The following CEP170B variants were observed in gnomAD, a reference collection of about 807,000 sequenced individuals.
CEP170B encodes centrosomal protein 170B, also known as centrosomal protein of 170 kDa protein B.
In CEP170B, 55 loss-of-function variants were observed where a neutral mutation model predicts 120.6. That is an observed-to-expected ratio of 0.46 (90% CI 0.37 to 0.57). The LOEUF (loss-of-function observed/expected upper bound fraction) is 0.57. CEP170B is among the 20% of genes least tolerant of loss of function. The pLI is 0.00. For missense variants in CEP170B, 2,212 were observed against 2,253.3 expected (o/e 0.98, Z 0.37); for synonymous variants, 1,033 against 954.5 (o/e 1.08, Z -1.52).
rs1387044430 is a variant in CEP170B, at chr14:104,865,312, C to T, written c.-229C>T. 2 of 145,674 alleles carry T rather than the reference C, an allele frequency of 1.4e-5. No individual in the cohort carries two copies. Among genetic ancestry groups the T allele is most frequent in the Non-Finnish European group, 3.0e-5 (2 of 65,792 alleles). The allele number at this position is 145,674 out of a possible 1,614,324, so 9.0% of individuals were successfully genotyped here. ...GCGAGGCCGCCGGCGGCCGCTCTGC[C>T]GTGGGCTCGGCCCGGGCTGCCACGA... On this transcript the variant is annotated 5_prime_UTR_variant, in exon 1 of 19. Coordinates refer to ENST00000414716, the MANE Select transcript of CEP170B (RefSeq NM_001112726.3). The surrounding 1 kb of genome is among the most constrained non-coding windows in gnomAD (Gnocchi z 6.7).
At position 104,889,886 on chromosome 14, in the gene CEP170B, C is replaced by T. The variant is rs936484340; in HGVS notation, c.3878+128C>T. 4 of 914,602 alleles carry T rather than the reference C, an allele frequency of 4.4e-6. No homozygotes were observed. In the Admixed American group the frequency reaches 8.3e-5, roughly 19 times the overall value. The allele number at this position is 914,602 out of a possible 1,614,324, so 56.7% of individuals were successfully genotyped here. A position where few individuals can be genotyped will look rare whatever the true frequency, so the allele number is the denominator to read the frequency against. On this transcript the variant is annotated intron_variant, in intron 13 of 18. Transcript: ENST00000414716. ...GATAGATGGTACGGCAGATGGCTGG[C>T]TGGCTGGATGGATGGACAAATGGAT... is the stretch of plus-strand genomic sequence containing the variant.
intron 5 of CEP170B, among the ~76,000 whole-genome samples, chr14:104,879,342 C>G (rs573571646): frequency 6.6e-6 from 1 of 152,172 alleles, no homozygotes; most frequent in African/African-American, 2.4e-5. Flanking sequence ...GTCTCATGCC[C>G]AGGGGATTAA....
intron 14 of CEP170B, 98 bp from the exon 15 acceptor site, chr14:104,893,425 G>A (rs1595362159): frequency 7.1e-7 from 1 of 1,406,690 alleles, no homozygotes; most frequent in East Asian, 2.5e-5. Flanking sequence ...GAAGGTGGGT[G>A]TGCTCTGTCC....
Position 104,893,585 on chromosome 14 carries a change from C to T in CEP170B, c.4101C>T (p.Asn1367=). 6.2e-7 allele frequency: 1 copy of T among 1,603,944 alleles called. No individual in the cohort carries two copies. Among genetic ancestry groups the T allele is most frequent in the Non-Finnish European group, 8.5e-7 (1 of 1,176,494 alleles). ...AGAAGGTGCCGCCCGGCTCGCTGAA[C>T]TCTCGGGACTTTGACCAGAACATGA... ...NFQKVPPGSL[N]SRDFDQNMND... is the part of the protein sequence containing the mutation. Residue 1367 remains asparagine (N), a synonymous_variant, in exon 15 of 19, where the codon AAC becomes AAT. Transcript: ENST00000414716.
At chr14:104,890,210 G>GTGGATGGA (rs200561892) in intron 13 of CEP170B, among the ~76,000 whole-genome samples, 1 of 89,822 alleles carries the variant, frequency 1.1e-5, no homozygotes, top group African/African-American at 4.6e-5. Context: ...GGGTGGGTGG[G>GTGGATGGA]TGGATGGATG....
At chr14:104,886,169 C>CG in intron 11 of CEP170B, 39 bp downstream of exon 11, 1 of 1,493,328 alleles carries the variant, frequency 6.7e-7, no homozygotes, top group Non-Finnish European at 8.9e-7. Flanking sequence ...CGGGCCAGGC[C>CG]GGGGCGGGCC....
intron 2 of CEP170B, among the ~76,000 whole-genome samples, chr14:104,873,121 A>G (rs1364775176): frequency 6.6e-6 from 1 of 151,912 alleles, no homozygotes; most frequent in Non-Finnish European, 1.5e-5. Flanking sequence ...ATGTGTCTCC[A>G]GCGCTTCCTG....
chr14:104,864,799 T>C (rs978785681), upstream of CEP170B, among the ~76,000 whole-genome samples: 2 of 152,186 alleles, frequency 1.3e-5, no homozygotes, highest in African/African-American at 4.8e-5. The surrounding 1 kb of genome is among the most constrained non-coding windows in gnomAD (Gnocchi z 5.9). Context: ...TCCGCTCCTC[T>C]TTTTGGCTTC....
intron 13 of CEP170B, 101 bp from the exon 14 acceptor site, chr14:104,892,875 C>T (rs1896910988): frequency 2.2e-6 from 3 of 1,341,572 alleles, no homozygotes; most frequent in Admixed American, 2.1e-5. Flanking sequence ...CACCTCTGGC[C>T]AGCAGCTGCC....
chr14:104,887,241 T>A lies in CEP170B; in HGVS notation c.3002T>A (p.Val1001Asp). ...CAGGACCCGGGAGGCACCGCCCTGGTCAGTGCCCGTGAGCAGTCCTCAGAG... is the reference window on the plus strand; with the variant it reads ...CAGGACCCGGGAGGCACCGCCCTGGACAGTGCCCGTGAGCAGTCCTCAGAG... Reference protein sequence around the residue: ...AAQDPGGTALVSAREQSSERQ... With the variant: ...AAQDPGGTALDSAREQSSERQ... Residue 1001 changes from valine to aspartate, a missense_variant, in exon 12 of 19, where the codon GTC becomes GAC. Val to Asp is a radical substitution (Grantham distance 152, BLOSUM62 -3). Around this residue, in one of 2 missense-constraint regions of CEP170B, gnomAD observed 2,166 missense variants for 2,166.7 expected, o/e 1.00. Coordinates refer to ENST00000414716, the MANE Select transcript of CEP170B (RefSeq NM_001112726.3). 6.2e-7 allele frequency: 1 copy of A among 1,606,650 alleles called. No individual in the cohort carries two copies. Among genetic ancestry groups the A allele is most frequent in the African/African-American group, 1.3e-5 (1 of 75,032 alleles).
Position 104,868,413 on chromosome 14 carries a change from C to T in CEP170B, c.-27-11C>T. On this transcript the variant is annotated splice_polypyrimidine_tract_variant and intron_variant, in intron 1 of 18. Transcript: ENST00000414716. The surrounding 1 kb of genome is among the most constrained non-coding windows in gnomAD (Gnocchi z 5.9). ...CAGGGAGCCCCACTCTAACAATCCC[C>T]TCTTCCCCAGGGCCAGACGGGCCCA... 1 of 1,536,106 alleles carries T rather than the reference C, an allele frequency of 6.5e-7. No homozygotes were observed. Among genetic ancestry groups the T allele is most frequent in the South Asian group, 1.2e-5 (1 of 83,640 alleles).
chr14:104,895,338 T>G lies in CEP170B; in HGVS notation c.*380T>G. On this transcript the variant is annotated 3_prime_UTR_variant, in exon 19 of 19. Transcript: ENST00000414716. ...TGCAGGTGCCCCCTCCAGGCCTGAC[T>G]GGCTCCGCCAGGCACTAACCTGCCA... The G allele has an allele frequency of 5.2e-6, 1 of 190,860 alleles. No individual in the cohort carries two copies. Among genetic ancestry groups the G allele is most frequent in the Non-Finnish European group, 1.1e-5 (1 of 93,834 alleles). The allele number at this position is 190,860 out of a possible 1,614,324, so 11.8% of individuals were successfully genotyped here. A position where few individuals can be genotyped will look rare whatever the true frequency, so the allele number is the denominator to read the frequency against.
In CEP170B at chr14:104,870,166, G is replaced by A. The variant is rs562558331; in HGVS notation, c.105+1611G>A. Among the ~76,000 whole-genome samples the A allele has an allele frequency of 4.4e-4, 67 of 152,332 alleles. No individual in the cohort carries two copies. The highest frequency in any genetic ancestry group is 8.1e-4 in the Non-Finnish European group (55 of 68,028). On this transcript the variant is annotated intron_variant, in intron 2 of 18. Coordinates refer to ENST00000414716, the MANE Select transcript of CEP170B (RefSeq NM_001112726.3). The surrounding 1 kb of genome is among the most constrained non-coding windows in gnomAD (Gnocchi z 4.1). ...ACCACAAAGTATCCACTGCAGCCCA[G>A]GCCTGTGGCCGTGGTGAGGGGCAGC...
chr14:104,876,784 G>C (rs1895875590), intron 3 of CEP170B, among the ~76,000 whole-genome samples: 1 of 152,364 alleles, frequency 6.6e-6, no homozygotes, highest in African/African-American at 2.4e-5. Context: ...GAAATGGAAG[G>C]AGCTATGCTT....
chr14:104,893,898 G>T, intron 16 of CEP170B, 49 bp downstream of exon 16: 1 of 1,527,948 alleles, frequency 6.5e-7, no homozygotes, highest in Non-Finnish European at 9.0e-7. Flanking sequence ...CAGCACAGCT[G>T]CATGAGCTGA....
At chr14:104,864,822 T>C (rs554082394), upstream of CEP170B, among the ~76,000 whole-genome samples, 7 of 152,044 alleles carry the variant, frequency 4.6e-5, no homozygotes, top group South Asian at 4.2e-4. The surrounding 1 kb of genome is among the most constrained non-coding windows in gnomAD (Gnocchi z 5.9). Flanking sequence ...GGGCCAAAGG[T>C]TGGGGACTCG....
chr14:104,888,427 C>T (rs528518062), intron 12 of CEP170B, among the ~76,000 whole-genome samples: 1 of 152,332 alleles, frequency 6.6e-6, no homozygotes, highest in South Asian at 2.1e-4. Flanking sequence ...GCCAAGTACA[C>T]CTGTGCCCTC....
intron 9 of CEP170B, among the ~76,000 whole-genome samples, chr14:104,885,048 A>AT (rs1160352902): frequency 9.1e-5 from 3 of 32,884 alleles, no homozygotes; most frequent in Admixed American, 4.4e-4. Context: ...CTCGTGGGGA[A>AT]CGGGGGGTGG....
chr14:104,877,787 C>T (rs1391839515), intron 3 of CEP170B, 98 bp from the exon 4 acceptor site: 8 of 635,724 alleles, frequency 1.3e-5, no homozygotes, highest in Non-Finnish European at 1.9e-5. Context: ...GCCCTGCCCA[C>T]TGCCACCCAC....
Sources: gnomAD v4.1 joint callset for allele counts (sites outside exome capture counted in the v4.1 genomes callset) on GRCh38, gnomAD v4.1.1 for gene constraint, gnomAD v4.1.1 regional missense constraint, Gnocchi (gnomAD v3.1) non-coding constraint, MANE v1.5 for transcripts, NCBI Gene and HGNC (gene_info 2026-07-23, HGNC 2026-07-21) for gene names.